The following GPR83 variants were observed in gnomAD, a reference collection of about 807,000 sequenced individuals.
The protein encoded by GPR83 is G-protein coupled receptor 72.
A neutral mutation model predicts 28.0 loss-of-function variants in GPR83; 23 were observed. The observed-to-expected ratio is 0.82, with a 90% CI of 0.59 to 1.16. The LOEUF (loss-of-function observed/expected upper bound fraction) is 1.16. Among genes scored for constraint, GPR83 ranks in the 50% most tolerant of loss-of-function variants. The pLI, the probability that GPR83 is intolerant of heterozygous loss-of-function variation, is 0.00. For synonymous variants in GPR83, 234 were observed against 215.4 expected, an observed-to-expected ratio of 1.09 and a Z score of -0.76; for missense variants, 610 against 536.6, an observed-to-expected ratio of 1.14 and a Z score of -1.35.
chr11:94,383,273 C>T (rs190398166), intron 3 of GPR83, among the ~76,000 whole-genome samples: 1 of 152,036 alleles, frequency 6.6e-6, no homozygotes, highest in Admixed American at 6.5e-5. Context: ...AATAAAGAAG[C>T]TCTTTGCAAC....
chr11:94,398,359 G>A lies in GPR83; in HGVS notation c.388-1835C>T, dbSNP rs529229694. 4.6e-5 allele frequency among the ~76,000 whole-genome samples: 7 copies of A among 152,046 alleles called. No homozygotes were observed. The South Asian group carries it at 1.5e-3, about 32-fold the overall frequency. On this transcript the variant is annotated intron_variant, in intron 1 of 3. Coordinates refer to ENST00000243673, the MANE Select transcript of GPR83 (RefSeq NM_016540.4). ...TTCTCCCTCCCCTGCCCACTCCTCC[G>A]CTGTGCTTCCTGATGCTCCAGCTTC...
Position 94,380,621 on chromosome 11 carries a change from C to G in GPR83, c.800G>C (p.Trp267Ser). The part of the protein sequence containing the change: ...VAYARVAKKL[W>S]LCNMIGDVTT... ...CACATCGCCAATCATATTACACAGC[C>G]ACAGTTTCTTGGCCACACGAGCGTA... The change falls in exon 4 of 4, where the codon TGG becomes TCG. Residue 267 changes from tryptophan (W) to serine (S), a missense_variant. By Grantham distance (177) the Trp-to-Ser change is radical. Coordinates refer to ENST00000243673, the MANE Select transcript of GPR83 (RefSeq NM_016540.4). The G allele has an allele frequency of 6.2e-7, 1 of 1,614,100 alleles. No homozygotes were observed. The highest frequency in any genetic ancestry group is 8.5e-7 in the Non-Finnish European group (1 of 1,180,016).
intron 2 of GPR83, among the ~76,000 whole-genome samples, chr11:94,394,641 C>A (rs1459021926): frequency 6.6e-6 from 1 of 151,960 alleles, no homozygotes; most frequent in Non-Finnish European, 1.5e-5. Context: ...TTTTTTAATT[C>A]CTCCCAATGT....
chr11:94,380,418 T>C lies in GPR83; in HGVS notation c.1003A>G (p.Met335Val), dbSNP rs1944674055. The C allele has an allele frequency of 1.9e-6, 3 of 1,614,070 alleles. No homozygotes were observed. The highest frequency in any genetic ancestry group is 1.7e-5 in the Admixed American group (1 of 60,002). ...ALYFAFHWFAMSSTCYNPFIY... is the reference protein window; with the variant it reads ...ALYFAFHWFAVSSTCYNPFIY... ...AAGGGGTTATAGCAGGTGCTGCTCA[T>C]GGCAAACCAGTGGAAGGCAAAGTAG... The change falls in exon 4 of 4, where the codon ATG (methionine) becomes GTG (valine). Residue 335 changes from methionine to valine, a missense_variant. By Grantham distance (21) the Met-to-Val change is conservative. Coordinates refer to ENST00000243673, the MANE Select transcript of GPR83 (RefSeq NM_016540.4).
intron 3 of GPR83, 40 bp downstream of exon 3, chr11:94,393,445 G>T (rs1339961895): frequency 6.2e-7 from 1 of 1,605,900 alleles, no homozygotes; most frequent in Non-Finnish European, 8.5e-7. Flanking sequence ...CTCAGGAGAA[G>T]ACACAAGTCC....
intron 2 of GPR83, among the ~76,000 whole-genome samples, chr11:94,395,023 AT>A (rs1301563906): frequency 6.6e-6 from 1 of 152,238 alleles, no homozygotes; most frequent in Non-Finnish European, 1.5e-5. Flanking sequence ...AAATATTTAT[AT>A]GCAAACTTTT....
At chr11:94,395,816 T>C (rs1203666160) in intron 2 of GPR83, among the ~76,000 whole-genome samples, 3 of 152,234 alleles carry the variant, frequency 2.0e-5, no homozygotes, top group Non-Finnish European at 1.5e-5. Flanking sequence ...TTGGTGAATA[T>C]TCATCTCTCA....
At chr11:94,399,598 T>A (rs927639186) in intron 1 of GPR83, among the ~76,000 whole-genome samples, 1 of 152,218 alleles carries the variant, frequency 6.6e-6, no homozygotes, top group African/African-American at 2.4e-5. Flanking sequence ...TTTTTCAATA[T>A]AAGATTTGGA....
intron 3 of GPR83, among the ~76,000 whole-genome samples, chr11:94,390,517 G>A (rs1207024186): frequency 1.1e-4 from 17 of 152,138 alleles, no homozygotes; most frequent in Non-Finnish European, 2.4e-4. Context: ...CAAATGGGAA[G>A]AGAGGAAGTC....
intron 2 of GPR83, among the ~76,000 whole-genome samples, chr11:94,395,024 T>C (rs960501215): frequency 2.0e-5 from 3 of 152,224 alleles, no homozygotes; most frequent in Non-Finnish European, 2.9e-5. Flanking sequence ...AATATTTATA[T>C]GCAAACTTTT....
rs935076350 is a variant in GPR83, at chr11:94,378,165, G to C, written c.*1984C>G. ...AAGTCATGGTTTTGCCCATAATTCA[G>C]TGAGTTTTCAAAATCTTGTGTCTTG... On this transcript the variant is annotated 3_prime_UTR_variant, in exon 4 of 4. Transcript: ENST00000243673. 5 of 150,644 alleles carry C rather than the reference G, an allele frequency of 3.3e-5. No individual in the cohort carries two copies. Among genetic ancestry groups the C allele is most frequent in the Non-Finnish European group, 7.4e-5 (5 of 67,652 alleles). The allele number at this position is 150,644 out of a possible 1,614,324, so 9.3% of individuals were successfully genotyped here. A position where few individuals can be genotyped will look rare whatever the true frequency, so the allele number is the denominator to read the frequency against.
chr11:94,384,114 G>A (rs1390876258), intron 3 of GPR83, among the ~76,000 whole-genome samples: 1 of 152,124 alleles, frequency 6.6e-6, no homozygotes. Flanking sequence ...GAATCCAGTA[G>A]CACATCAAAA....
intron 3 of GPR83, among the ~76,000 whole-genome samples, chr11:94,385,843 G>T (rs571458484): frequency 3.3e-5 from 5 of 152,260 alleles, no homozygotes; most frequent in East Asian, 3.9e-4. Flanking sequence ...AGGAAATACA[G>T]AGAATGCCAC....
intron 1 of GPR83, among the ~76,000 whole-genome samples, chr11:94,399,861 G>A (rs1944895174): frequency 6.6e-6 from 1 of 152,264 alleles, no homozygotes; most frequent in East Asian, 1.9e-4. Flanking sequence ...ATCCATGAGA[G>A]CCACACTCCC....
chr11:94,383,876 A>G (rs56981715), intron 3 of GPR83, among the ~76,000 whole-genome samples: 15,147 of 152,246 alleles, frequency 0.099, 839 homozygotes, highest in Admixed American at 0.15. Context: ...AGGACCAGAC[A>G]GATTCACAGC....
rs369214380 is a variant in GPR83 at position 94,380,160 on chromosome 11, T to C, written c.1261A>G (p.Thr421Ala). 3.3e-6 allele frequency: 5 copies of C among 1,512,776 alleles called. No individual in the cohort carries two copies. In the African/African-American group the frequency reaches 5.6e-5, roughly 17 times the overall value. The allele number at this position is 1,512,776 out of a possible 1,614,324, so 93.7% of individuals were successfully genotyped here. A position where few individuals can be genotyped will look rare whatever the true frequency, so the allele number is the denominator to read the frequency against. The change falls in exon 4 of 4, where the codon ACG becomes GCG. Residue 421 changes from threonine (T) to alanine (A), a missense_variant. Coordinates refer to ENST00000243673, the MANE Select transcript of GPR83 (RefSeq NM_016540.4). ...TDLSSVEPIV[T>A]MS ...CTTCCCAACCTCTTCTAACTCATCG[T>C]CACAATGGGTTCCACAGATGACAGG...
intron 2 of GPR83, among the ~76,000 whole-genome samples, chr11:94,394,599 C>T (rs1265057252): frequency 6.6e-6 from 1 of 152,172 alleles, no homozygotes; most frequent in African/African-American, 2.4e-5. Context: ...CATCCCAGAA[C>T]ACACTGGACA....
chr11:94,396,631 C>G, intron 1 of GPR83, 107 bp from the exon 2 acceptor site: 1 of 1,077,408 alleles, frequency 9.3e-7, no homozygotes, highest in Admixed American at 2.0e-5. Flanking sequence ...TCCAGCTCCT[C>G]CCTTCTTTCT....
At position 94,387,856 on chromosome 11, in the gene GPR83, C is replaced by T. The variant is rs549631095; in HGVS notation, c.647+5629G>A. On this transcript the variant is annotated intron_variant, in intron 3 of 3. Coordinates refer to ENST00000243673, the MANE Select transcript of GPR83 (RefSeq NM_016540.4). ...GGCCAGCATCGTCCTGATACCAAAG[C>T]CTGGCAGAGACACAACAAAAAGAAT... Among the ~76,000 whole-genome samples, 12 of 152,272 alleles carry T rather than the reference C, an allele frequency of 7.9e-5. No individual in the cohort carries two copies. The East Asian group carries it at 2.3e-3, about 29-fold the overall frequency.
Sources: gnomAD v4.1 joint callset for allele counts (sites outside exome capture counted in the v4.1 genomes callset) on GRCh38, gnomAD v4.1.1 for gene constraint, MANE v1.5 for transcripts, NCBI Gene and HGNC (gene_info 2026-07-23, HGNC 2026-07-21) for gene names.